HPD: variants seen among roughly 807,000 people sequenced by gnomAD.
HPD encodes the protein 4-hydroxyphenylpyruvate dioxygenase.
In HPD, 35 loss-of-function variants were observed where a neutral mutation model predicts 56.9. The observed-to-expected ratio is 0.62, with a 90% CI of 0.47 to 0.82. The LOEUF is 0.82. Ranked by LOEUF, HPD falls within the 40% of genes least tolerant of loss-of-function variation. The pLI is 0.00. For synonymous variants in HPD, 186 were observed against 200.2 expected (o/e 0.93, Z 0.60); for missense variants, 442 against 506.8 (o/e 0.87, Z 1.23).
the HPD span, among the ~76,000 whole-genome samples, chr12:121,879,234 G>A: frequency 6.6e-6 from 1 of 151,838 alleles, no homozygotes; most frequent in African/African-American, 2.4e-5. Flanking sequence ...GCAATGAGCC[G>A]AGATTGCACT....
chr12:121,882,709 G>C, the HPD span, among the ~76,000 whole-genome samples: 1 of 152,080 alleles, frequency 6.6e-6, no homozygotes, highest in African/African-American at 2.4e-5. Context: ...CAGGGAGGTA[G>C]TATTTCTTTT....
the HPD span, among the ~76,000 whole-genome samples, chr12:121,870,462 G>A: frequency 4.9e-3 from 737 of 150,020 alleles, 6 homozygotes; most frequent in African/African-American, 0.017. Flanking sequence ...AGTGGAGATC[G>A]TGCCACTGCA....
chr12:121,847,978 A>G (rs1877642011), intron 9 of HPD, among the ~76,000 whole-genome samples: 1 of 152,216 alleles, frequency 6.6e-6, no homozygotes, highest in Non-Finnish European at 1.5e-5. Context: ...TTGTACCTTT[A>G]TGATGACATT....
chr12:121,871,209 C>A, the HPD span, among the ~76,000 whole-genome samples: 317 of 151,810 alleles, frequency 2.1e-3, 5 homozygotes, highest in East Asian at 0.035. Context: ...AAAAAAAAAC[C>A]CCAAAATCAG....
At chr12:121,858,456 T>C (rs928180292) in intron 2 of HPD, among the ~76,000 whole-genome samples, 2 of 152,122 alleles carry the variant, frequency 1.3e-5, no homozygotes, top group East Asian at 1.9e-4. Flanking sequence ...AGCACTGGGA[T>C]TACAGGCATG....
intron 9 of HPD, among the ~76,000 whole-genome samples, chr12:121,848,423 T>C (rs1227298841): frequency 6.6e-6 from 1 of 152,040 alleles, no homozygotes; most frequent in Non-Finnish European, 1.5e-5. Flanking sequence ...GCGATTCTCC[T>C]GTCTCAGCTT....
the HPD span, among the ~76,000 whole-genome samples, chr12:121,874,634 GCAAA>G: frequency 4.5e-4 from 69 of 151,976 alleles, 1 homozygote; most frequent in East Asian, 0.012. Context: ...AAACAAACAA[GCAAA>G]CAAACAAAAC....
upstream of HPD, among the ~76,000 whole-genome samples, chr12:121,860,265 G>T (rs1191280795): frequency 6.6e-6 from 1 of 152,158 alleles, no homozygotes; most frequent in Non-Finnish European, 1.5e-5. Flanking sequence ...TGTGTAGCCT[G>T]CCTATCCCCT....
the HPD span, among the ~76,000 whole-genome samples, chr12:121,884,914 A>G: frequency 3.9e-5 from 6 of 152,028 alleles, no homozygotes; most frequent in African/African-American, 9.7e-5. Context: ...CTTGAGACGG[A>G]GTCTCACTAT....
At chr12:121,850,508 C>CT (rs1359667055) in intron 7 of HPD, among the ~76,000 whole-genome samples, 1 of 142,868 alleles carries the variant, frequency 7.0e-6, no homozygotes, top group Non-Finnish European at 1.5e-5. Context: ...GAGTCTCACT[C>CT]TGTCACTCAG....
At chr12:121,864,250 A>G (rs923556916), upstream of HPD, among the ~76,000 whole-genome samples, 4 of 149,946 alleles carry the variant, frequency 2.7e-5, no homozygotes, top group African/African-American at 9.8e-5. Context: ...CACACAAAAA[A>G]AAGAAAAAAT....
chr12:121,869,444 G>A, the HPD span, among the ~76,000 whole-genome samples: 13 of 151,226 alleles, frequency 8.6e-5, no homozygotes, highest in African/African-American at 1.9e-4. Flanking sequence ...GGGTCCTCCC[G>A]CCAAAGTACT....
Position 121,856,546 on chromosome 12 carries a change from C to T in HPD, c.241+37G>A, listed in dbSNP as rs372706141. 4.3e-5 allele frequency: 70 copies of T among 1,612,410 alleles called. No individual in the cohort carries two copies. In the African/African-American group the frequency reaches 7.5e-4, roughly 17 times the overall value. Reference sequence around the variant, plus strand: ...ACCCTCCCAGAACCCAGATCCCACCCACAGAGCCATGCGTCCACCCTCCCC... The same window carrying T: ...ACCCTCCCAGAACCCAGATCCCACCTACAGAGCCATGCGTCCACCCTCCCC... On this transcript the variant is annotated intron_variant, in intron 5 of 13. Coordinates refer to ENST00000289004, the MANE Select transcript of HPD (RefSeq NM_002150.3).
At chr12:121,876,536 G>A in the HPD span, among the ~76,000 whole-genome samples, 1 of 152,056 alleles carries the variant, frequency 6.6e-6, no homozygotes, top group South Asian at 2.1e-4. Flanking sequence ...TTACCATCAC[G>A]TCAGTAGCTC....
At chr12:121,857,279 C>T in intron 4 of HPD, 49 bp downstream of exon 4, 1 of 1,195,556 alleles carries the variant, frequency 8.4e-7, no homozygotes, top group South Asian at 1.2e-5. Context: ...GGGGTTTCAC[C>T]ATGTTGGCCA....
intron 7 of HPD, among the ~76,000 whole-genome samples, chr12:121,853,595 C>T (rs1430497437): frequency 6.9e-6 from 1 of 145,352 alleles, no homozygotes; most frequent in Non-Finnish European, 1.5e-5. Context: ...GCACTCCAGC[C>T]TGGGCGACAG....
chr12:121,843,318 C>T (rs1219604732), intron 12 of HPD, among the ~76,000 whole-genome samples: 1 of 152,204 alleles, frequency 6.6e-6, no homozygotes, highest in Non-Finnish European at 1.5e-5. Context: ...TCTTTCTGTT[C>T]CTCAGACGCT....
At chr12:121,862,579 G>A (rs1255012441), upstream of HPD, among the ~76,000 whole-genome samples, 3 of 137,358 alleles carry the variant, frequency 2.2e-5, no homozygotes, top group Non-Finnish European at 4.6e-5. Context: ...TTACAGGCGT[G>A]AGCCACCGCT....
At chr12:121,886,952 T>G in the HPD span, among the ~76,000 whole-genome samples, 1 of 152,158 alleles carries the variant, frequency 6.6e-6, no homozygotes, top group African/African-American at 2.4e-5. Flanking sequence ...CAGGCTGGAG[T>G]GCAGTGACAT....
Sources: gnomAD v4.1 joint callset for allele counts (sites outside exome capture counted in the v4.1 genomes callset) on GRCh38, gnomAD v4.1.1 for gene constraint, MANE v1.5 for transcripts, NCBI Gene and HGNC (gene_info 2026-07-23, HGNC 2026-07-21) for gene names.